The following LRFN5 variants were observed in gnomAD, a reference collection of about 807,000 sequenced individuals.
The protein encoded by LRFN5 is leucine-rich repeat and fibronectin type-III domain-containing protein 5.
LRFN5 carries 24 observed loss-of-function variants against 45.6 expected under a neutral mutation model. The ratio of observed to expected loss-of-function variants is 0.53; its 90% CI spans 0.38 to 0.74. LRFN5 has a LOEUF of 0.74. Among genes scored for constraint, LRFN5 ranks in the 30% least tolerant of loss-of-function variants. The pLI, the probability that LRFN5 is intolerant of heterozygous loss-of-function variation, is 0.00. For synonymous variants in LRFN5, 340 were observed against 313.8 expected (o/e 1.08, Z -0.88); for missense variants, 776 against 861.5 (o/e 0.90, Z 1.24).
At chr14:41,792,302 A>G (rs1886951330) in intron 2 of LRFN5, among the ~76,000 whole-genome samples, 1 of 152,140 alleles carries the variant, frequency 6.6e-6, no homozygotes, top group Non-Finnish European at 1.5e-5. Flanking sequence ...ACTACTGATA[A>G]GAGTCTATGT....
At chr14:41,714,369 C>T (rs1368406697) in intron 1 of LRFN5, among the ~76,000 whole-genome samples, 1 of 151,922 alleles carries the variant, frequency 6.6e-6, no homozygotes, top group Non-Finnish European at 1.5e-5. Flanking sequence ...TTATTTACCC[C>T]CAAAGCACAA....
chr14:41,706,968 C>T (rs1413974721), intron 1 of LRFN5, among the ~76,000 whole-genome samples: 1 of 152,096 alleles, frequency 6.6e-6, no homozygotes, highest in Non-Finnish European at 1.5e-5. Flanking sequence ...GAACTTTAAC[C>T]ATTAAATCTA....
At chr14:41,626,897 C>T (rs8020581) in intron 1 of LRFN5, among the ~76,000 whole-genome samples, 61,655 of 151,802 alleles carry the variant, frequency 0.41, 13,853 homozygotes, top group Non-Finnish European at 0.52. Flanking sequence ...CAGAGATAAA[C>T]GTTTTATTTG....
chr14:41,842,241 C>T (rs748882417), intron 2 of LRFN5, among the ~76,000 whole-genome samples: 3 of 152,050 alleles, frequency 2.0e-5, no homozygotes, highest in Non-Finnish European at 4.4e-5. Context: ...CAAAAATTAA[C>T]TAATATTCTT....
At position 41,684,683 on chromosome 14, in the gene LRFN5, A is replaced by T. The variant is rs35627126; in HGVS notation, c.-197+76121A>T. Reference sequence around the variant, plus strand: ...CAAATAAAAATGGGTTAAAAACTTAAATTTAAAACGTAAAACAATGGAACT... The same window carrying T: ...CAAATAAAAATGGGTTAAAAACTTATATTTAAAACGTAAAACAATGGAACT... On this transcript the variant is annotated intron_variant, in intron 1 of 5. Transcript: ENST00000298119. 5.8e-3 allele frequency among the ~76,000 whole-genome samples: 877 copies of T among 152,330 alleles called. 8 individuals carry two copies. The highest frequency in any genetic ancestry group is 0.01 in the Middle Eastern group (3 of 294).
intron 1 of LRFN5, among the ~76,000 whole-genome samples, chr14:41,658,911 T>G (rs1482646510): frequency 6.6e-6 from 1 of 152,014 alleles, no homozygotes; most frequent in African/African-American, 2.4e-5. Flanking sequence ...CAGTTTCACT[T>G]ACTTAACTCA....
At chr14:41,722,361 C>T (rs1362111862) in intron 1 of LRFN5, among the ~76,000 whole-genome samples, 1 of 151,996 alleles carries the variant, frequency 6.6e-6, no homozygotes, top group African/African-American at 2.4e-5. Context: ...TCTGTCATTT[C>T]TGAGTTTCCA....
intron 2 of LRFN5, among the ~76,000 whole-genome samples, chr14:41,834,805 GGCA>G (rs1888605180): frequency 6.6e-6 from 1 of 151,990 alleles, no homozygotes; most frequent in Admixed American, 6.6e-5. Context: ...TGGTACTACA[GGCA>G]TGCACCACCA....
At position 41,691,162 on chromosome 14, in the gene LRFN5, C is replaced by T. The variant is rs777643945; in HGVS notation, c.-196-75692C>T. Reference sequence around the variant, plus strand: ...GCACTTTCTTCTGCCTCATTTTAGGCTTAATTTACTCTGAACATTTTTTTC... The same window carrying T: ...GCACTTTCTTCTGCCTCATTTTAGGTTTAATTTACTCTGAACATTTTTTTC... On this transcript the variant is annotated intron_variant, in intron 1 of 5. Coordinates refer to ENST00000298119, the MANE Select transcript of LRFN5 (RefSeq NM_152447.5). 3.9e-5 allele frequency among the ~76,000 whole-genome samples: 6 copies of T among 152,016 alleles called. No homozygotes were observed. In the South Asian group the frequency reaches 6.2e-4, roughly 16 times the overall value.
At chr14:41,710,843 C>A (rs918500452) in intron 1 of LRFN5, among the ~76,000 whole-genome samples, 5 of 151,470 alleles carry the variant, frequency 3.3e-5, no homozygotes, top group African/African-American at 1.2e-4. Context: ...TTGTTCAATT[C>A]CCACCTACGA....
chr14:41,727,867 G>A (rs1315154884), intron 1 of LRFN5, among the ~76,000 whole-genome samples: 1 of 152,110 alleles, frequency 6.6e-6, no homozygotes, highest in Non-Finnish European at 1.5e-5. Flanking sequence ...AACTATGAAA[G>A]TTAGGTGAGT....
intron 1 of LRFN5, among the ~76,000 whole-genome samples, chr14:41,639,212 T>G (rs1879447205): frequency 6.6e-6 from 1 of 152,116 alleles, no homozygotes; most frequent in South Asian, 2.1e-4. Context: ...TTTCTCTTTT[T>G]GGCCAGGTAT....
chr14:41,801,277 G>A (rs966781813), intron 2 of LRFN5, among the ~76,000 whole-genome samples: 1 of 152,074 alleles, frequency 6.6e-6, no homozygotes, highest in Admixed American at 6.6e-5. Flanking sequence ...TGAGGATTAA[G>A]TATATGTATG....
chr14:41,697,340 A>G (rs1455784358), intron 1 of LRFN5, among the ~76,000 whole-genome samples: 2 of 151,832 alleles, frequency 1.3e-5, no homozygotes, highest in African/African-American at 4.8e-5. Flanking sequence ...CATTGTTACT[A>G]TGTTTGCTTT....
chr14:41,702,634 A>AT (rs1340922618), intron 1 of LRFN5, among the ~76,000 whole-genome samples: 2 of 151,380 alleles, frequency 1.3e-5, no homozygotes, highest in Admixed American at 6.6e-5. Context: ...GCTAATTTTT[A>AT]TTTTTTATTT....
At position 41,692,394 on chromosome 14, in the gene LRFN5, T is replaced by A. The variant is rs1459991975; in HGVS notation, c.-196-74460T>A. ...TATACAGTAGATATTTTCTTCTAAATGGTTACTACCCTTTTAATTTTCTTT... is the reference window on the plus strand; with the variant it reads ...TATACAGTAGATATTTTCTTCTAAAAGGTTACTACCCTTTTAATTTTCTTT... On this transcript the variant is annotated intron_variant, in intron 1 of 5. Transcript: ENST00000298119. 2.0e-5 allele frequency among the ~76,000 whole-genome samples: 3 copies of A among 152,246 alleles called. No individual in the cohort carries two copies. In the East Asian group the frequency reaches 5.8e-4, roughly 29 times the overall value.
Position 41,858,782 on chromosome 14 carries a change from T to C in LRFN5, c.-20-27824T>C, listed in dbSNP as rs1301356494. ...CTCCACCACTACACAAAAAAAATCA[T>C]GATTAACCCTGAACTTCAGTGTATA... is the stretch of plus-strand genomic sequence containing the variant. On this transcript the variant is annotated intron_variant, in intron 2 of 5. Coordinates refer to ENST00000298119, the MANE Select transcript of LRFN5 (RefSeq NM_152447.5). Among the ~76,000 whole-genome samples, 3 of 152,312 alleles carry C rather than the reference T, an allele frequency of 2.0e-5. No individual in the cohort carries two copies. In the East Asian group the frequency reaches 5.8e-4, roughly 29 times the overall value.
At chr14:41,791,834 G>T (rs1886931913) in intron 2 of LRFN5, among the ~76,000 whole-genome samples, 1 of 152,058 alleles carries the variant, frequency 6.6e-6, no homozygotes, top group African/African-American at 2.4e-5. Context: ...ATTTATGCTA[G>T]ATAAGACTTT....
intron 2 of LRFN5, among the ~76,000 whole-genome samples, chr14:41,780,176 A>T (rs901530365): frequency 1.3e-4 from 20 of 151,796 alleles, no homozygotes; most frequent in African/African-American, 4.8e-4. Context: ...TGAGCCTTTG[A>T]CATGTGGATT....
Sources: allele counts gnomAD v4.1 joint callset (sites outside exome capture counted in the v4.1 genomes callset), GRCh38; gene constraint gnomAD v4.1.1; transcripts MANE v1.5; gene names NCBI Gene and HGNC (gene_info 2026-07-23, HGNC 2026-07-21).